The following FLT1 variants were observed in gnomAD, a reference collection of about 807,000 sequenced individuals.
FLT1 encodes vascular endothelial growth factor receptor 1.
FLT1 carries 49 observed loss-of-function variants against 156.3 expected under a neutral mutation model. The observed-to-expected ratio is 0.31, with a 90% CI of 0.25 to 0.40. The LOEUF (loss-of-function observed/expected upper bound fraction) is 0.40, where lower values mean the gene tolerates loss of function less well. FLT1 is among the 10% of genes least tolerant of loss of function. The pLI is 1.00. For missense variants in FLT1, 1,322 were observed against 1,637.2 expected, an observed-to-expected ratio of 0.81 and a Z score of 3.32; for synonymous variants, 594 against 583.8, an observed-to-expected ratio of 1.02 and a Z score of -0.25.
At chr13:28,469,506 G>A (rs193223185) in intron 1 of FLT1, among the ~76,000 whole-genome samples, 45 of 152,310 alleles carry the variant, frequency 3.0e-4, no homozygotes, top group African/African-American at 8.9e-4. Flanking sequence ...CTCCTCGTGA[G>A]TGGAACTGGA....
intron 15 of FLT1, among the ~76,000 whole-genome samples, chr13:28,352,774 T>G (rs567928644): frequency 6.6e-6 from 1 of 152,298 alleles, no homozygotes; most frequent in Admixed American, 6.5e-5. Context: ...AACATATTCA[T>G]GCGAATTAGT....
Position 28,310,585 on chromosome 13 carries a change from C to T in FLT1, c.3635+1005G>A, listed in dbSNP as rs145157101. On this transcript the variant is annotated intron_variant, in intron 27 of 29. Coordinates refer to ENST00000282397, the MANE Select transcript of FLT1 (RefSeq NM_002019.4). ...GTCATCCCTGCCCAGGTTTCGTGCA[C>T]GCCTAACTATCAGTCCTGAAGTGCA... 7.6e-4 allele frequency among the ~76,000 whole-genome samples: 116 copies of T among 152,320 alleles called. No homozygotes were observed. The East Asian group carries it at 0.016, about 21-fold the overall frequency.
At chr13:28,387,516 CT>C in intron 13 of FLT1, 2 of 1,061,390 alleles carry the variant, frequency 1.9e-6, no homozygotes, top group Non-Finnish European at 2.3e-6. Flanking sequence ...GACATTTCTG[CT>C]GGTTATCAGT....
intron 27 of FLT1, among the ~76,000 whole-genome samples, 167 bp from the exon 28 acceptor site, chr13:28,309,094 C>T (rs1236020548): frequency 6.6e-6 from 1 of 152,188 alleles, no homozygotes; most frequent in Non-Finnish European, 1.5e-5. Context: ...GGAATCCTGA[C>T]AGCATTGCCA....
In FLT1 at chr13:28,467,633, T is replaced by A; in HGVS notation, c.65-16A>T. 7.3e-7 allele frequency: 1 copy of A among 1,366,402 alleles called. No individual in the cohort carries two copies. Among genetic ancestry groups the A allele is most frequent in the Non-Finnish European group, 1.0e-6 (1 of 971,136 alleles). 84.6% of individuals were successfully genotyped at this position (1,366,402 alleles called of 1,614,324 possible). A position where few individuals can be genotyped will look rare whatever the true frequency, so the allele number is the denominator to read the frequency against. ...GAACTAGATCCTGAAAAACAAATTT[T>A]TAAAATGTATTATTTGTAAATTGTC... On this transcript the variant is annotated splice_polypyrimidine_tract_variant and intron_variant, in intron 1 of 29. Transcript: ENST00000282397.
chr13:28,376,943 G>T (rs1873864781), intron 14 of FLT1, among the ~76,000 whole-genome samples: 1 of 152,176 alleles, frequency 6.6e-6, no homozygotes, highest in South Asian at 2.1e-4. Flanking sequence ...CCAACAGAAA[G>T]AAATGTTTCT....
At chr13:28,473,727 A>G (rs1304939307) in intron 1 of FLT1, among the ~76,000 whole-genome samples, 1 of 79,228 alleles carries the variant, frequency 1.3e-5, no homozygotes, top group Non-Finnish European at 2.3e-5. Flanking sequence ...AGAAAGAAAG[A>G]AAGAAGGAAG....
At position 28,434,920 on chromosome 13, in the gene FLT1, A is replaced by C. The variant is rs201850383; in HGVS notation, c.514-700T>G. Among the ~76,000 whole-genome samples the C allele has an allele frequency of 1.7e-4, 26 of 152,240 alleles. 1 individual carries two copies. The East Asian group carries it at 3.7e-3, about 21-fold the overall frequency. On this transcript the variant is annotated intron_variant, in intron 4 of 29. Coordinates refer to ENST00000282397, the MANE Select transcript of FLT1 (RefSeq NM_002019.4). Reference sequence around the variant, plus strand: ...AGAAACCAATTAGCATTTTTTTTCTACCGGGGCTGCCAGATTATTCTCATT... The same window carrying C: ...AGAAACCAATTAGCATTTTTTTTCTCCCGGGGCTGCCAGATTATTCTCATT...
intron 1 of FLT1, among the ~76,000 whole-genome samples, chr13:28,492,129 C>T (rs570483417): frequency 2.0e-5 from 3 of 152,204 alleles, no homozygotes; most frequent in South Asian, 2.1e-4. Context: ...AAAATTGTTA[C>T]AAAAAATTAA....
At chr13:28,345,793 TC>T in intron 15 of FLT1, 2 of 398,908 alleles carry the variant, frequency 5.0e-6, no homozygotes, top group Non-Finnish European at 9.1e-6. Context: ...GAAAAGGCTT[TC>T]CAGAAATTTT....
intron 14 of FLT1, among the ~76,000 whole-genome samples, chr13:28,382,443 G>A (rs1874119010): frequency 6.6e-6 from 1 of 152,340 alleles, no homozygotes; most frequent in Middle Eastern, 3.4e-3. Context: ...GATATTGAGG[G>A]CATTCTCTGT....
chr13:28,366,340 G>A (rs567812577), intron 14 of FLT1, among the ~76,000 whole-genome samples: 2 of 152,238 alleles, frequency 1.3e-5, no homozygotes, highest in South Asian at 4.1e-4. Flanking sequence ...ATGTGTCTTT[G>A]GTATGAGCCA....
At chr13:28,450,714 G>T (rs941981690) in intron 3 of FLT1, among the ~76,000 whole-genome samples, 3 of 152,134 alleles carry the variant, frequency 2.0e-5, no homozygotes, top group African/African-American at 7.2e-5. Flanking sequence ...TTATAAAACT[G>T]TCAAAGGACT....
chr13:28,466,261 C>G (rs1033236248), intron 3 of FLT1, among the ~76,000 whole-genome samples: 2 of 152,128 alleles, frequency 1.3e-5, no homozygotes, highest in Non-Finnish European at 2.9e-5. Flanking sequence ...GAAGGAAGAA[C>G]AGTATCATAA....
chr13:28,327,756 C>CAAAAAAAAAAAAAAAAA (rs56031277), intron 19 of FLT1, among the ~76,000 whole-genome samples: 7 of 122,790 alleles, frequency 5.7e-5, no homozygotes, highest in South Asian at 2.6e-4. Context: ...AATTGAAATA[C>CAAAAAAAAAAAAAAAAA]AAAAAAAAAA....
At chr13:28,477,948 A>T (rs1160478589) in intron 1 of FLT1, among the ~76,000 whole-genome samples, 1 of 152,214 alleles carries the variant, frequency 6.6e-6, no homozygotes, top group Admixed American at 6.5e-5. Context: ...AACACACTCA[A>T]TGTATGTGAG....
At chr13:28,307,959 A>G (rs2138808792) in intron 28 of FLT1, among the ~76,000 whole-genome samples, 1 of 152,220 alleles carries the variant, frequency 6.6e-6, no homozygotes, top group East Asian at 1.9e-4. Flanking sequence ...TTTTTAGTAG[A>G]GACTGGGTTT....
intron 14 of FLT1, among the ~76,000 whole-genome samples, chr13:28,383,199 G>A (rs1874150647): frequency 2.6e-5 from 4 of 151,750 alleles, no homozygotes; most frequent in Non-Finnish European, 5.9e-5. Context: ...AGCCCACAGC[G>A]AGACTCCATC....
intron 1 of FLT1, among the ~76,000 whole-genome samples, chr13:28,482,893 A>G (rs1245210164): frequency 1.3e-5 from 2 of 152,186 alleles, no homozygotes; most frequent in Non-Finnish European, 1.5e-5. Context: ...TTTTTCATTG[A>G]CCAGTTTTGA....
Sources: allele counts gnomAD v4.1 joint callset (sites outside exome capture counted in the v4.1 genomes callset), GRCh38; gene constraint gnomAD v4.1.1; transcripts MANE v1.5; gene names NCBI Gene and HGNC (gene_info 2026-07-23, HGNC 2026-07-21).